LPP: variants seen among roughly 807,000 people sequenced by gnomAD.
LPP encodes lipoma-preferred partner.
Under a neutral mutation model 60.4 loss-of-function variants are expected in LPP, and 38 were observed. The observed-to-expected ratio is 0.63, with a 90% confidence interval of 0.49 to 0.83. LPP has a LOEUF of 0.83. Among genes scored for constraint, LPP ranks in the 40% least tolerant of loss-of-function variants. The probability of loss-of-function intolerance (pLI) is 0.00; values close to 1 mark genes in which losing one functional copy is unlikely to be tolerated. For synonymous variants in LPP, 328 were observed against 290.8 expected, an observed-to-expected ratio of 1.13 and a Z score of -1.30; for missense variants, 902 against 783.6, an observed-to-expected ratio of 1.15 and a Z score of -1.80.
At chr3:188,695,047 C>A (rs1006986174) in intron 7 of LPP, among the ~76,000 whole-genome samples, 1 of 152,122 alleles carries the variant, frequency 6.6e-6, no homozygotes, top group East Asian at 1.9e-4. Flanking sequence ...CTTATTATCA[C>A]GGTAATCTTT....
chr3:188,532,650 G>A (rs6781569), intron 6 of LPP, among the ~76,000 whole-genome samples: 72,309 of 152,082 alleles, frequency 0.48, 18,088 homozygotes, highest in East Asian at 0.92. Context: ...AGCTCCATTT[G>A]TGTGAACCTG....
chr3:188,740,391 C>T (rs1005432513), intron 8 of LPP, among the ~76,000 whole-genome samples: 7 of 152,006 alleles, frequency 4.6e-5, no homozygotes, highest in African/African-American at 1.7e-4. Flanking sequence ...TTGGAGCATA[C>T]CTATCCAAGC....
At chr3:188,282,317 C>G (rs1199254370) in intron 2 of LPP, among the ~76,000 whole-genome samples, 1 of 152,128 alleles carries the variant, frequency 6.6e-6, no homozygotes. Context: ...TCTGGGTCCA[C>G]TGTTGCTTTG....
chr3:188,270,575 C>T (rs753641470), intron 2 of LPP, among the ~76,000 whole-genome samples: 4 of 152,176 alleles, frequency 2.6e-5, no homozygotes, highest in Non-Finnish European at 2.9e-5. Flanking sequence ...ACCCAGGCAT[C>T]AGAGCTCAGT....
intron 2 of LPP, among the ~76,000 whole-genome samples, chr3:188,241,767 G>A (rs1272803636): frequency 1.3e-5 from 2 of 152,102 alleles, no homozygotes; most frequent in African/African-American, 4.8e-5. Context: ...CGTAATTTCA[G>A]ATGATAGAAT....
intron 9 of LPP, among the ~76,000 whole-genome samples, chr3:188,779,983 A>G (rs1340561146): frequency 1.3e-5 from 2 of 152,164 alleles, no homozygotes; most frequent in East Asian, 3.9e-4. Context: ...AAATAAAGGC[A>G]CAGAGGGCTT....
chr3:188,514,917 G>T, intron 5 of LPP, among the ~76,000 whole-genome samples: 1 of 152,020 alleles, frequency 6.6e-6, no homozygotes, highest in African/African-American at 2.4e-5. Flanking sequence ...TGGCTGTTTT[G>T]GCAACAAAGA....
chr3:188,412,582 C>T (rs945161700), intron 4 of LPP, among the ~76,000 whole-genome samples: 4 of 151,984 alleles, frequency 2.6e-5, no homozygotes, highest in African/African-American at 9.7e-5. Flanking sequence ...AGAGGGAGAC[C>T]CTCACACCTA....
chr3:188,660,640 A>G (rs1854355969), intron 7 of LPP, among the ~76,000 whole-genome samples: 1 of 62,776 alleles, frequency 1.6e-5, no homozygotes, highest in African/African-American at 6.4e-5. Context: ...GGTTTTCCAA[A>G]GATCTGTGTG....
intron 5 of LPP, among the ~76,000 whole-genome samples, chr3:188,504,017 A>G (rs1308749110): frequency 6.6e-6 from 1 of 152,072 alleles, no homozygotes; most frequent in East Asian, 1.9e-4. Context: ...TTATTTCTTC[A>G]AGTATTGTCC....
intron 6 of LPP, among the ~76,000 whole-genome samples, chr3:188,558,000 A>G (rs1398594601): frequency 2.0e-5 from 3 of 151,494 alleles, no homozygotes; most frequent in Non-Finnish European, 4.4e-5. Flanking sequence ...TGTTATCAGT[A>G]TTTTTGAGCA....
intron 2 of LPP, among the ~76,000 whole-genome samples, chr3:188,242,383 C>CAG (rs887912849): frequency 5.5e-4 from 81 of 147,850 alleles, no homozygotes; most frequent in African/African-American, 1.5e-3. Flanking sequence ...AAGAGAGAGA[C>CAG]AGAGAGAGAG....
chr3:188,296,178 G>T (rs1216011735), intron 2 of LPP, among the ~76,000 whole-genome samples: 1 of 152,224 alleles, frequency 6.6e-6, no homozygotes, highest in East Asian at 1.9e-4. Flanking sequence ...TCCACTGGGG[G>T]AAGGATGAGA....
chr3:188,338,672 T>C (rs1468734451), intron 2 of LPP, among the ~76,000 whole-genome samples: 4 of 152,202 alleles, frequency 2.6e-5, no homozygotes, highest in African/African-American at 4.8e-5. Context: ...AATGAATATC[T>C]TGGACACCAG....
chr3:188,580,843 G>A (rs1177065389), intron 6 of LPP, among the ~76,000 whole-genome samples: 1 of 152,076 alleles, frequency 6.6e-6, no homozygotes, highest in Non-Finnish European at 1.5e-5. Flanking sequence ...TACAGATTAG[G>A]CAATTAGGAA....
chr3:188,373,121 G>T (rs1263586569), intron 3 of LPP, among the ~76,000 whole-genome samples: 1 of 152,072 alleles, frequency 6.6e-6, no homozygotes, highest in African/African-American at 2.4e-5. Flanking sequence ...GGACATTTGG[G>T]TTGGTTCGAA....
chr3:188,842,214 C>T (rs938629852), intron 9 of LPP, among the ~76,000 whole-genome samples: 2 of 152,130 alleles, frequency 1.3e-5, no homozygotes, highest in Non-Finnish European at 2.9e-5. Context: ...GGATAAAAGC[C>T]ATTTTAACTG....
intron 7 of LPP, among the ~76,000 whole-genome samples, chr3:188,633,991 G>A (rs886462749): frequency 2.0e-5 from 3 of 152,026 alleles, no homozygotes; most frequent in African/African-American, 7.2e-5. Context: ...GACCAAAACT[G>A]TACTACCATC....
intron 2 of LPP, among the ~76,000 whole-genome samples, chr3:188,233,948 C>T (rs148160253): frequency 1.3e-5 from 2 of 152,156 alleles, no homozygotes; most frequent in East Asian, 3.9e-4. Flanking sequence ...TCTGCTTATG[C>T]TGTTTCTTCT....
Sources: gnomAD v4.1 joint callset for allele counts (sites outside exome capture counted in the v4.1 genomes callset) on GRCh38, gnomAD v4.1.1 for gene constraint, MANE v1.5 for transcripts, NCBI Gene and HGNC (gene_info 2026-07-23, HGNC 2026-07-21) for gene names.